DLGAP1: variants seen among roughly 807,000 people sequenced by gnomAD.
DLGAP1 encodes the protein DLG associated protein 1.
A neutral mutation model predicts 90.8 loss-of-function variants in DLGAP1; 11 were observed. The observed-to-expected ratio is 0.12, with a 90% CI of 0.08 to 0.20. The LOEUF (loss-of-function observed/expected upper bound fraction) is 0.20, where lower values mean the gene tolerates loss of function less well. Among genes scored for constraint, DLGAP1 ranks in the 10% least tolerant of loss-of-function variants. The pLI, the probability that DLGAP1 is intolerant of heterozygous loss-of-function variation, is 1.00. For synonymous variants in DLGAP1, 558 were observed against 540.7 expected (o/e 1.03, Z -0.44); for missense variants, 1,050 against 1,333.8 (o/e 0.79, Z 3.31).
intron 5 of DLGAP1, among the ~76,000 whole-genome samples, chr18:3,745,466 T>G (rs998814803): frequency 3.9e-5 from 6 of 152,032 alleles, no homozygotes; most frequent in Admixed American, 2.0e-4. Flanking sequence ...AGAAGGCCAG[T>G]TAAGGTGGTT....
intron 6 of DLGAP1, among the ~76,000 whole-genome samples, chr18:3,739,984 A>G (rs1228375846): frequency 2.0e-5 from 3 of 152,204 alleles, no homozygotes; most frequent in Non-Finnish European, 4.4e-5. Flanking sequence ...TTACTAAGCT[A>G]TCATTAGAAA....
At chr18:4,156,973 A>T (rs1217629651) in intron 1 of DLGAP1, among the ~76,000 whole-genome samples, 1 of 152,220 alleles carries the variant, frequency 6.6e-6, no homozygotes, top group Admixed American at 6.5e-5. Flanking sequence ...TTTAAAGTCT[A>T]CAGTTGTATC....
At chr18:3,672,548 G>A (rs1368245851) in intron 7 of DLGAP1, among the ~76,000 whole-genome samples, 2 of 117,482 alleles carry the variant, frequency 1.7e-5, no homozygotes, top group Non-Finnish European at 1.6e-5. Context: ...TTGCACTCCA[G>A]CCTGGGCAAC....
At chr18:4,160,027 T>C (rs1225945537) in intron 1 of DLGAP1, among the ~76,000 whole-genome samples, 1 of 152,252 alleles carries the variant, frequency 6.6e-6, no homozygotes, top group Non-Finnish European at 1.5e-5. Flanking sequence ...AAGTGCGTAA[T>C]GACTCATTGT....
chr18:3,860,962 T>C (rs1436808390), intron 4 of DLGAP1, among the ~76,000 whole-genome samples: 1 of 152,250 alleles, frequency 6.6e-6, no homozygotes, highest in Non-Finnish European at 1.5e-5. Flanking sequence ...TTAAATTCTT[T>C]CTGTAAACTT....
Position 3,879,315 on chromosome 18 carries a change from G to A in DLGAP1, c.754C>T (p.Arg252Trp), listed in dbSNP as rs572784569. ...GAGCACTTGACGTCGTTGTTGCTCC[G>A]GGAGGCCTTCACCGCCTGCTCGCTG... ...TISEQAVKASRSNNDVKCSTC... is the reference protein window; with the variant it reads ...TISEQAVKASWSNNDVKCSTC... Residue 252 changes from arginine (R) to tryptophan (W), a missense_variant, in exon 4 of 13, where the codon CGG becomes TGG. This residue lies in a region of DLGAP1 where 485 missense variants were observed against 454.1 expected (regional missense o/e 1.07). Transcript: ENST00000315677. This position sits in a 1 kb window ranked among gnomAD's most constrained non-coding sequence, Gnocchi z 6.6. The A allele has an allele frequency of 5.0e-6, 8 of 1,601,090 alleles. No individual in the cohort carries two copies. The East Asian group carries it at 8.9e-5, about 18-fold the overall frequency.
intron 2 of DLGAP1, among the ~76,000 whole-genome samples, chr18:4,141,011 GTCT>G (rs751242854): frequency 6.6e-6 from 1 of 151,904 alleles, no homozygotes; most frequent in Non-Finnish European, 1.5e-5. Context: ...TCTTGAGGTA[GTCT>G]TCTTTGGATT....
chr18:4,277,591 T>C (rs2079445492), intron 1 of DLGAP1, among the ~76,000 whole-genome samples: 1 of 152,220 alleles, frequency 6.6e-6, no homozygotes, highest in African/African-American at 2.4e-5. Flanking sequence ...AAAAGGAAAC[T>C]TTAAAGTTCC....
Position 3,711,510 on chromosome 18 carries a change from C to T in DLGAP1, c.1591+17625G>A, listed in dbSNP as rs1264946579. On this transcript the variant is annotated intron_variant, in intron 7 of 12. Coordinates refer to ENST00000315677, the MANE Select transcript of DLGAP1 (RefSeq NM_004746.4). The surrounding 1 kb of genome is among the most constrained non-coding windows in gnomAD (Gnocchi z 4.0). Reference sequence around the variant, plus strand: ...CTAAAAGTGGCTCACGTATCCCACCCAGATCATCAGCTGTGTTGACTGTGG... The same window carrying T: ...CTAAAAGTGGCTCACGTATCCCACCTAGATCATCAGCTGTGTTGACTGTGG... 6.6e-6 allele frequency among the ~76,000 whole-genome samples: 1 copy of T among 152,324 alleles called. No individual in the cohort carries two copies.
rs1333247766 is a variant in DLGAP1 at position 4,356,131 on chromosome 18, A to G, written c.-267+98875T>C. Among the ~76,000 whole-genome samples, 3 of 152,042 alleles carry G rather than the reference A, an allele frequency of 2.0e-5. No homozygotes were observed. In the East Asian group the frequency reaches 5.9e-4, roughly 30 times the overall value. ...CCGTAGTCAGTTGGACTCTGTCTTC[A>G]GGAGGACTTTGTCTTCACTTCATGG... On this transcript the variant is annotated intron_variant, in intron 1 of 12. Coordinates refer to ENST00000315677, the MANE Select transcript of DLGAP1 (RefSeq NM_004746.4).
chr18:3,879,436 G>A lies in DLGAP1; in HGVS notation c.633C>T (p.Asp211=), dbSNP rs758439222. 1.9e-6 allele frequency: 3 copies of A among 1,609,234 alleles called. No homozygotes were observed. Among genetic ancestry groups the A allele is most frequent in the Non-Finnish European group, 2.5e-6 (3 of 1,179,960 alleles). ...WWSSDDNLDG[D]MCIYHAPSGV... ...CCGAGGGGGCGTGGTAGATGCACAT[G>A]TCACCATCCAGGTTGTCGTCCGAGC... The change falls in exon 4 of 13, where the codon GAC becomes GAT. Residue 211 remains aspartate, a synonymous_variant. Coordinates refer to ENST00000315677, the MANE Select transcript of DLGAP1 (RefSeq NM_004746.4). This position sits in a 1 kb window ranked among gnomAD's most constrained non-coding sequence, Gnocchi z 6.6.
At chr18:4,440,485 C>G (rs1047027976) in intron 1 of DLGAP1, among the ~76,000 whole-genome samples, 1 of 152,112 alleles carries the variant, frequency 6.6e-6, no homozygotes, top group Admixed American at 6.5e-5. Context: ...GCTTTACTAT[C>G]GGTACATTAC....
intron 2 of DLGAP1, among the ~76,000 whole-genome samples, chr18:4,071,659 C>T (rs1010065884): frequency 6.6e-6 from 1 of 152,144 alleles, no homozygotes; most frequent in African/African-American, 2.4e-5. Context: ...GATAATGACA[C>T]TATTCTGAAA....
chr18:4,063,788 C>T (rs1568376483), intron 2 of DLGAP1, among the ~76,000 whole-genome samples: 3 of 152,108 alleles, frequency 2.0e-5, no homozygotes, highest in South Asian at 4.1e-4. Flanking sequence ...TCTGGCCAGG[C>T]TCTGAGGCTG....
chr18:4,067,275 T>C (rs1243262164), intron 2 of DLGAP1, among the ~76,000 whole-genome samples: 5 of 151,426 alleles, frequency 3.3e-5, no homozygotes. Context: ...CAGACACCCA[T>C]GACACAAATT....
At chr18:3,684,558 C>T (rs954151409) in intron 7 of DLGAP1, among the ~76,000 whole-genome samples, 1 of 152,164 alleles carries the variant, frequency 6.6e-6, no homozygotes, top group South Asian at 2.1e-4. Context: ...ACTTTCATTG[C>T]ATGAATCATT....
intron 7 of DLGAP1, among the ~76,000 whole-genome samples, chr18:3,663,757 C>A (rs2146635245): frequency 6.6e-6 from 1 of 152,320 alleles, no homozygotes; most frequent in East Asian, 1.9e-4. Context: ...GTCTTGGACT[C>A]TCAAGACCAG....
chr18:3,664,091 T>A (rs1005607006), intron 7 of DLGAP1, among the ~76,000 whole-genome samples: 2 of 151,980 alleles, frequency 1.3e-5, no homozygotes, highest in Admixed American at 1.3e-4. Flanking sequence ...TGGACCCAGA[T>A]TGGAACTATA....
chr18:4,197,188 TAA>T (rs532844849), intron 1 of DLGAP1, among the ~76,000 whole-genome samples: 8 of 73,746 alleles, frequency 1.1e-4, no homozygotes, highest in South Asian at 5.2e-4. Context: ...TAAAAAAAAG[TAA>T]AAAAAAAAAA....
Sources: allele counts gnomAD v4.1 joint callset (sites outside exome capture counted in the v4.1 genomes callset), GRCh38; gene constraint gnomAD v4.1.1; regional missense constraint gnomAD v4.1.1; non-coding constraint Gnocchi (gnomAD v3.1); transcripts MANE v1.5; gene names NCBI Gene and HGNC (gene_info 2026-07-23, HGNC 2026-07-21).